CCDC146: variants seen among roughly 807,000 people sequenced by gnomAD.
CCDC146 encodes the protein coiled-coil domain-containing protein 146.
A neutral mutation model predicts 119.3 loss-of-function variants in CCDC146; 92 were observed. The observed-to-expected ratio is 0.77, with a 90% CI of 0.65 to 0.92. CCDC146 has a LOEUF of 0.92. CCDC146 is among the 40% of genes least tolerant of loss of function. CCDC146 has a pLI of 0.00. For missense variants in CCDC146, 1,000 were observed against 1,103.0 expected (o/e 0.91, Z 1.32); for synonymous variants, 372 against 371.8 (o/e 1.00, Z -0.01).
intron 5 of CCDC146, among the ~76,000 whole-genome samples, 181 bp from the exon 6 acceptor site, chr7:77,256,152 T>C (rs1029791706): frequency 5.9e-5 from 9 of 152,260 alleles, no homozygotes; most frequent in African/African-American, 1.9e-4. Context: ...TTGTTAAAGA[T>C]GTCAGAAATC....
intron 6 of CCDC146, 40 bp downstream of exon 6, chr7:77,256,549 C>T: frequency 6.6e-7 from 1 of 1,524,414 alleles, no homozygotes; most frequent in Non-Finnish European, 8.9e-7. Context: ...TTGTGCCTTG[C>T]ATGGATATAA....
At chr7:77,184,531 A>C (rs1012490136) in intron 2 of CCDC146, among the ~76,000 whole-genome samples, 2 of 152,244 alleles carry the variant, frequency 1.3e-5, no homozygotes, top group African/African-American at 4.8e-5. Context: ...TGTAAATGAC[A>C]CATTCTGAAA....
chr7:77,150,623 C>A (rs73371557), intron 1 of CCDC146, among the ~76,000 whole-genome samples: 1,666 of 152,248 alleles, frequency 0.011, 23 homozygotes, highest in African/African-American at 0.038. Flanking sequence ...ATAAAAAGTA[C>A]AGCCACTTTG....
Position 77,278,761 on chromosome 7 carries a change from A to T in CCDC146, c.1450A>T (p.Thr484Ser), listed in dbSNP as rs1258037185. The change falls in exon 12 of 19, where the codon ACC becomes TCC. Residue 484 changes from threonine (T) to serine (S), a missense_variant. Physicochemically the swap from Thr to Ser is moderately conservative, Grantham distance 58. Transcript: ENST00000285871. ...TTTTTGTACATTTCAGCAAAAATACACCAACATTGTTAAAGAAATGAAAGC... is the reference window on the plus strand; with the variant it reads ...TTTTTGTACATTTCAGCAAAAATACTCCAACATTGTTAAAGAAATGAAAGC... ...KDFLKAQQKY[T>S]NIVKEMKAKD... 2 of 1,610,016 alleles carry T rather than the reference A, an allele frequency of 1.2e-6. No individual in the cohort carries two copies. Among genetic ancestry groups the T allele is most frequent in the African/African-American group, 2.7e-5 (2 of 74,732 alleles).
intron 2 of CCDC146, among the ~76,000 whole-genome samples, chr7:77,208,843 C>T (rs1426553054): frequency 6.6e-6 from 1 of 152,140 alleles, no homozygotes; most frequent in Non-Finnish European, 1.5e-5. Flanking sequence ...AAGTAGCTGG[C>T]ACTGCAGGCA....
intron 2 of CCDC146, among the ~76,000 whole-genome samples, chr7:77,220,114 A>G (rs1792373339): frequency 6.6e-6 from 1 of 152,208 alleles, no homozygotes; most frequent in Non-Finnish European, 1.5e-5. Context: ...GCAGGAGACC[A>G]GGGCCTATTT....
intron 4 of CCDC146, among the ~76,000 whole-genome samples, chr7:77,253,627 G>C (rs922941747): frequency 3.4e-5 from 5 of 148,896 alleles, no homozygotes; most frequent in African/African-American, 1.0e-4. Context: ...TTAAGACAAT[G>C]ATGATGCAGT....
chr7:77,222,491 G>A (rs1297555617), intron 2 of CCDC146, among the ~76,000 whole-genome samples: 1 of 152,186 alleles, frequency 6.6e-6, no homozygotes, highest in Non-Finnish European at 1.5e-5. Flanking sequence ...CTGACAGACA[G>A]CTAAGAAGGG....
intron 13 of CCDC146, among the ~76,000 whole-genome samples, chr7:77,279,615 G>A (rs1351019118): frequency 6.6e-6 from 1 of 152,172 alleles, no homozygotes; most frequent in Non-Finnish European, 1.5e-5. Flanking sequence ...AAGAGGTGGT[G>A]TCCAGACTCA....
chr7:77,162,389 G>T (rs1481063201), intron 1 of CCDC146, among the ~76,000 whole-genome samples: 1 of 152,146 alleles, frequency 6.6e-6, no homozygotes, highest in Admixed American at 6.5e-5. Flanking sequence ...CTAACACCCT[G>T]TATTGAAGAA....
chr7:77,253,625 A>G (rs1370845054), intron 4 of CCDC146, among the ~76,000 whole-genome samples: 1 of 148,924 alleles, frequency 6.7e-6, no homozygotes, highest in African/African-American at 2.6e-5. Flanking sequence ...TTTTAAGACA[A>G]TGATGATGCA....
intron 1 of CCDC146, among the ~76,000 whole-genome samples, chr7:77,161,164 T>C (rs918663115): frequency 2.0e-5 from 3 of 152,074 alleles, no homozygotes; most frequent in Non-Finnish European, 2.9e-5. Flanking sequence ...TGTGTAGAAA[T>C]AGGAACACTT....
rs538359633 is a variant in CCDC146, at chr7:77,229,915, C to G, written c.157-7032C>G. Among the ~76,000 whole-genome samples, 4 of 152,088 alleles carry G rather than the reference C, an allele frequency of 2.6e-5. No homozygotes were observed. In the East Asian group the frequency reaches 7.7e-4, roughly 29 times the overall value. On this transcript the variant is annotated intron_variant, in intron 2 of 18. Coordinates refer to ENST00000285871, the MANE Select transcript of CCDC146 (RefSeq NM_020879.3). ...TAATTGTAGAATATTTCCGTGACAC[C>G]AAAGAAACCTTGTGCCCATTAAAAG...
At chr7:77,253,859 C>T (rs1430632901) in intron 4 of CCDC146, among the ~76,000 whole-genome samples, 1 of 152,132 alleles carries the variant, frequency 6.6e-6, no homozygotes, top group Non-Finnish European at 1.5e-5. Flanking sequence ...GAGAGCATAC[C>T]AGCTGGAGGG....
chr7:77,179,697 T>C (rs1380664868), intron 2 of CCDC146, among the ~76,000 whole-genome samples: 1 of 152,144 alleles, frequency 6.6e-6, no homozygotes, highest in Non-Finnish European at 1.5e-5. Context: ...GCTGGGTCAG[T>C]GGATTTGCTC....
At chr7:77,141,312 C>G (rs1778767568) in intron 1 of CCDC146, among the ~76,000 whole-genome samples, 1 of 152,214 alleles carries the variant, frequency 6.6e-6, no homozygotes, top group Non-Finnish European at 1.5e-5. Context: ...TTGATCCAGT[C>G]TATCACTGAT....
In CCDC146 at chr7:77,237,130, A is replaced by G. The variant is rs1792752560; in HGVS notation, c.239+101A>G. The G allele has an allele frequency of 4.2e-6, 4 of 947,480 alleles. No homozygotes were observed. In the Admixed American group the frequency reaches 8.0e-5, roughly 19 times the overall value. The allele number at this position is 947,480 out of a possible 1,614,324, so 58.7% of individuals were successfully genotyped here. A position where few individuals can be genotyped will look rare whatever the true frequency, so the allele number is the denominator to read the frequency against. On this transcript the variant is annotated intron_variant, in intron 3 of 18. Transcript: ENST00000285871. ...TGCATTCCCCCATAAGCAGACCCTG[A>G]GGCAAGGATTTGCGTTCAGGGAGTT...
At chr7:77,288,525 A>G (rs1351424611) in intron 17 of CCDC146, among the ~76,000 whole-genome samples, 1 of 152,176 alleles carries the variant, frequency 6.6e-6, no homozygotes, top group Non-Finnish European at 1.5e-5. Flanking sequence ...GTCTACCCCT[A>G]CACAAGACCA....
At chr7:77,240,547 AC>A (rs1175215569) in intron 3 of CCDC146, among the ~76,000 whole-genome samples, 17 of 152,204 alleles carry the variant, frequency 1.1e-4, no homozygotes, top group African/African-American at 4.1e-4. Flanking sequence ...TACTTGTGAT[AC>A]CTAATACAAT....
Sources: gnomAD v4.1 joint callset for allele counts (sites outside exome capture counted in the v4.1 genomes callset) on GRCh38, gnomAD v4.1.1 for gene constraint, MANE v1.5 for transcripts, NCBI Gene and HGNC (gene_info 2026-07-23, HGNC 2026-07-21) for gene names.